NEK11: variants seen among roughly 807,000 people sequenced by gnomAD.
NEK11 encodes serine/threonine-protein kinase Nek11.
A neutral mutation model predicts 80.7 loss-of-function variants in NEK11; 72 were observed. That is an observed-to-expected ratio of 0.89 (90% CI 0.74 to 1.08). The LOEUF is 1.08. NEK11 is among the 50% of genes least tolerant of loss of function. NEK11 has a pLI of 0.00. For missense variants in NEK11, 764 were observed against 763.6 expected (o/e 1.00, Z -0.01); for synonymous variants, 251 against 260.7 (o/e 0.96, Z 0.36).
At chr3:131,133,173 T>C in intron 6 of NEK11, 1 of 438,364 alleles carries the variant, frequency 2.3e-6, no homozygotes, top group Admixed American at 2.7e-5. Flanking sequence ...TTCTCATTTA[T>C]ATTATTTCAT....
At chr3:131,180,078 A>G (rs531588642) in intron 14 of NEK11, among the ~76,000 whole-genome samples, 3 of 152,262 alleles carry the variant, frequency 2.0e-5, no homozygotes, top group African/African-American at 7.2e-5. Context: ...TACCACCACC[A>G]TCTCAGCATT....
intron 14 of NEK11, among the ~76,000 whole-genome samples, chr3:131,193,466 G>A (rs189792523): frequency 2.0e-4 from 31 of 152,160 alleles, no homozygotes; most frequent in Admixed American, 1.8e-3. Context: ...AAATATTACA[G>A]GATATCATGA....
chr3:131,161,516 A>G (rs1344807180), intron 10 of NEK11, among the ~76,000 whole-genome samples: 2 of 152,186 alleles, frequency 1.3e-5, no homozygotes, highest in Non-Finnish European at 1.5e-5. Flanking sequence ...AAATAACAAG[A>G]TCATGTCCTT....
At chr3:131,269,587 A>C in intron 16 of NEK11, among the ~76,000 whole-genome samples, 1 of 152,134 alleles carries the variant, frequency 6.6e-6, no homozygotes, top group East Asian at 1.9e-4. Context: ...CAATGAGATG[A>C]GCTTGGTACC....
At chr3:131,130,617 G>A (rs2084252992) in intron 5 of NEK11, among the ~76,000 whole-genome samples, 1 of 152,144 alleles carries the variant, frequency 6.6e-6, no homozygotes, top group Non-Finnish European at 1.5e-5. Context: ...TTATTGTCAT[G>A]AATGGGTATT....
At chr3:131,153,344 C>T (rs1197957535) in intron 9 of NEK11, among the ~76,000 whole-genome samples, 2 of 152,072 alleles carry the variant, frequency 1.3e-5, no homozygotes, top group African/African-American at 4.8e-5. Context: ...TATCATTGAC[C>T]ATTTATAATT....
chr3:131,175,130 CTA>C (rs1338521369), intron 14 of NEK11: 52 of 1,018,626 alleles, frequency 5.1e-5, no homozygotes, highest in East Asian at 2.3e-4. Flanking sequence ...TTGAACTTTG[CTA>C]ATTAAATATG....
At chr3:131,343,194 G>A (rs2097311778) in intron 17 of NEK11, among the ~76,000 whole-genome samples, 1 of 152,144 alleles carries the variant, frequency 6.6e-6, no homozygotes, top group African/African-American at 2.4e-5. Flanking sequence ...GATATAGCAG[G>A]TCATGTGTGT....
chr3:131,138,082 G>A (rs1245181029), intron 7 of NEK11, among the ~76,000 whole-genome samples: 1 of 152,134 alleles, frequency 6.6e-6, no homozygotes. Context: ...CAGCCACAGT[G>A]GTGTAGAGGA....
intron 3 of NEK11, among the ~76,000 whole-genome samples, chr3:131,054,965 G>T (rs1212092929): frequency 6.6e-6 from 1 of 151,990 alleles, no homozygotes; most frequent in Non-Finnish European, 1.5e-5. Flanking sequence ...TGATCCAAGG[G>T]CGAGCTTGCT....
At chr3:131,263,606 G>A (rs1283826834) in intron 16 of NEK11, among the ~76,000 whole-genome samples, 1 of 152,162 alleles carries the variant, frequency 6.6e-6, no homozygotes, top group Non-Finnish European at 1.5e-5. Context: ...TCTTAATCCA[G>A]CCTAACATTG....
Position 131,186,234 on chromosome 3 carries a change from T to A in NEK11, c.1399+15347T>A, listed in dbSNP as rs112231789. Among the ~76,000 whole-genome samples the A allele has an allele frequency of 2.6e-3, 389 of 152,312 alleles. 1 individual carries two copies. The highest frequency in any genetic ancestry group is 8.8e-3 in the African/African-American group (364 of 41,566). ...CTTCACTATATGAATTAAGAATAAT[T>A]TAGAATACAGTATTTTTATTTGCTA... On this transcript the variant is annotated intron_variant, in intron 14 of 17. Transcript: ENST00000383366.
chr3:131,109,983 A>T, intron 5 of NEK11, 62 bp downstream of exon 5: 2 of 1,513,710 alleles, frequency 1.3e-6, no homozygotes, highest in Non-Finnish European at 1.8e-6. Flanking sequence ...TGAACTTGAA[A>T]AGTGAATTTT....
intron 14 of NEK11, among the ~76,000 whole-genome samples, chr3:131,206,292 T>C (rs1160075380): frequency 1.3e-5 from 2 of 152,232 alleles, no homozygotes; most frequent in Non-Finnish European, 2.9e-5. Flanking sequence ...CAGTTTACCA[T>C]GAATACTTAG....
chr3:131,052,743 G>A (rs1164517233), intron 3 of NEK11, among the ~76,000 whole-genome samples: 3 of 152,154 alleles, frequency 2.0e-5, no homozygotes, highest in African/African-American at 7.2e-5. Flanking sequence ...TTGCAGCTAT[G>A]AGTTTTTGGA....
intron 17 of NEK11, among the ~76,000 whole-genome samples, chr3:131,319,336 C>T (rs974012082): frequency 1.3e-5 from 2 of 152,116 alleles, no homozygotes; most frequent in African/African-American, 4.8e-5. Context: ...CTAGGCACAT[C>T]ATTACAAATA....
chr3:131,050,167 C>T (rs1035799261), intron 3 of NEK11, among the ~76,000 whole-genome samples: 21 of 152,200 alleles, frequency 1.4e-4, no homozygotes, highest in Non-Finnish European at 1.3e-4. Flanking sequence ...AATTTATTAC[C>T]TAGTGATCAA....
chr3:131,288,657 G>A (rs1377496916), intron 17 of NEK11, among the ~76,000 whole-genome samples: 1 of 151,782 alleles, frequency 6.6e-6, no homozygotes, highest in Middle Eastern at 3.2e-3. Flanking sequence ...TCTCCATGTA[G>A]GTCTGACTTG....
chr3:131,298,463 G>C (rs2096625518), intron 17 of NEK11, among the ~76,000 whole-genome samples: 1 of 152,086 alleles, frequency 6.6e-6, no homozygotes, highest in Non-Finnish European at 1.5e-5. Context: ...TTGGCTCTCT[G>C]TCAGCCCAAA....
Sources: gnomAD v4.1 joint callset for allele counts (sites outside exome capture counted in the v4.1 genomes callset) on GRCh38, gnomAD v4.1.1 for gene constraint, MANE v1.5 for transcripts, NCBI Gene and HGNC (gene_info 2026-07-23, HGNC 2026-07-21) for gene names.